FOXN3: variants seen among roughly 807,000 people sequenced by gnomAD.
The protein encoded by FOXN3 is forkhead box N3.
FOXN3 carries 7 observed loss-of-function variants against 38.4 expected under a neutral mutation model. That is an observed-to-expected ratio of 0.18 (90% CI 0.10 to 0.34). The LOEUF is 0.34. FOXN3 is among the 10% of genes least tolerant of loss of function. The probability of loss-of-function intolerance (pLI) is 1.00; values close to 1 mark genes in which losing one functional copy is unlikely to be tolerated. For missense variants in FOXN3, 456 were observed against 613.4 expected (o/e 0.74, Z 2.71); for synonymous variants, 230 against 242.2 (o/e 0.95, Z 0.47).
At chr14:89,251,907 T>A (rs1885467717) in intron 4 of FOXN3, among the ~76,000 whole-genome samples, 2 of 152,226 alleles carry the variant, frequency 1.3e-5, no homozygotes, top group Non-Finnish European at 2.9e-5. Flanking sequence ...ATGCTCAACC[T>A]TATATAACAA....
intron 3 of FOXN3, among the ~76,000 whole-genome samples, chr14:89,332,865 C>CA (rs1315630271): frequency 2.0e-5 from 3 of 151,968 alleles, no homozygotes; most frequent in African/African-American, 7.2e-5. Context: ...CAAAACAAAA[C>CA]AAAACAAAAA....
intron 1 of FOXN3, among the ~76,000 whole-genome samples, chr14:89,578,491 G>A (rs1368743765): frequency 6.6e-6 from 1 of 152,098 alleles, no homozygotes; most frequent in African/African-American, 2.4e-5. Context: ...GGTACAGCCA[G>A]CAGCACTCCC....
At chr14:89,359,885 C>T (rs1014220250) in intron 2 of FOXN3, among the ~76,000 whole-genome samples, 1 of 152,164 alleles carries the variant, frequency 6.6e-6, no homozygotes, top group Non-Finnish European at 1.5e-5. Flanking sequence ...GCCTCTGAGG[C>T]CACTGTTCTC....
At chr14:89,331,468 T>C (rs1442376004) in intron 3 of FOXN3, among the ~76,000 whole-genome samples, 1 of 134,916 alleles carries the variant, frequency 7.4e-6, no homozygotes, top group Non-Finnish European at 1.7e-5. Context: ...GACGTTTGCG[T>C]TGTTTCCCTG....
intron 3 of FOXN3, among the ~76,000 whole-genome samples, chr14:89,288,983 A>C (rs1184211030): frequency 2.0e-5 from 3 of 151,350 alleles, no homozygotes; most frequent in African/African-American, 4.8e-5. Context: ...GGAGTTCGAG[A>C]CCAGCCTGAC....
intron 1 of FOXN3, chr14:89,493,903 A>C (rs1893630098): frequency 6.6e-6 from 1 of 151,704 alleles, no homozygotes; most frequent in Non-Finnish European, 1.5e-5. Flanking sequence ...CTTCTTTGAT[A>C]TGTCATCTGC....
chr14:89,265,598 C>A (rs118148768), intron 4 of FOXN3, among the ~76,000 whole-genome samples: 1 of 152,116 alleles, frequency 6.6e-6, no homozygotes, highest in African/African-American at 2.4e-5. Flanking sequence ...CACCTGCAAG[C>A]CAGGGTTAAT....
intron 3 of FOXN3, among the ~76,000 whole-genome samples, chr14:89,335,075 T>TCACACACAC (rs1888403562): frequency 7.3e-6 from 1 of 136,168 alleles, no homozygotes; most frequent in Non-Finnish European, 1.6e-5. Flanking sequence ...ACTATTTTCA[T>TCACACACAC]ATCACACACA....
chr14:89,336,017 G>A (rs1026427382), intron 3 of FOXN3, among the ~76,000 whole-genome samples: 5 of 151,950 alleles, frequency 3.3e-5, no homozygotes, highest in African/African-American at 9.7e-5. Flanking sequence ...TTTATAATAT[G>A]GTGAGGTTTG....
chr14:89,390,293 T>TTCTCTC (rs71130070), intron 2 of FOXN3, among the ~76,000 whole-genome samples: 1 of 139,944 alleles, frequency 7.1e-6, no homozygotes, highest in African/African-American at 2.5e-5. Context: ...CTCGTTCTCT[T>TTCTCTC]TCTCTCTCTC....
chr14:89,193,082 C>G (rs1888003578), intron 4 of FOXN3, among the ~76,000 whole-genome samples: 1 of 152,076 alleles, frequency 6.6e-6, no homozygotes, highest in East Asian at 1.9e-4. Context: ...AGGGGGTAGC[C>G]AAGAAAAACG....
chr14:89,375,201 C>T (rs1890441611), intron 2 of FOXN3, among the ~76,000 whole-genome samples: 4 of 152,068 alleles, frequency 2.6e-5, no homozygotes, highest in Admixed American at 2.6e-4. Flanking sequence ...GAGGTATGTA[C>T]ATATTAGTCA....
intron 1 of FOXN3, among the ~76,000 whole-genome samples, chr14:89,582,309 C>T (rs565438666): frequency 6.6e-6 from 1 of 152,238 alleles, no homozygotes; most frequent in East Asian, 1.9e-4. Flanking sequence ...CACTTACTTC[C>T]CAGTCCCTTC....
intron 5 of FOXN3, among the ~76,000 whole-genome samples, chr14:89,170,786 C>A (rs954505311): frequency 3.3e-5 from 5 of 151,800 alleles, no homozygotes; most frequent in African/African-American, 1.2e-4. Context: ...ACCCATGGGT[C>A]AAAGAAAAAA....
In FOXN3 at chr14:89,194,605, G is replaced by A. The variant is rs1177890488; in HGVS notation, c.746-13799C>T. ...CTGTCTTCAGAGCCAACAGCCTCCTGTCTCTCCTCTCCAAAGATAAGAGAT... is the reference window on the plus strand; with the variant it reads ...CTGTCTTCAGAGCCAACAGCCTCCTATCTCTCCTCTCCAAAGATAAGAGAT... On this transcript the variant is annotated intron_variant, in intron 4 of 5. Coordinates refer to ENST00000557258, the MANE Select transcript of FOXN3 (RefSeq NM_005197.4). 1.1e-4 allele frequency among the ~76,000 whole-genome samples: 17 copies of A among 151,846 alleles called. No individual in the cohort carries two copies. The East Asian group carries it at 2.3e-3, about 21-fold the overall frequency.
intron 2 of FOXN3, 105 bp from the exon 3 acceptor site, chr14:89,350,913 C>A: frequency 3.5e-6 from 3 of 849,080 alleles, no homozygotes; most frequent in Non-Finnish European, 3.3e-6. Flanking sequence ...AAAAGCTTCT[C>A]ATTTGTTGAC....
intron 1 of FOXN3, among the ~76,000 whole-genome samples, chr14:89,557,548 G>A (rs976675743): frequency 6.6e-6 from 1 of 152,158 alleles, no homozygotes; most frequent in Non-Finnish European, 1.5e-5. Flanking sequence ...CTGGACTACG[G>A]CTTGACCTCG....
intron 1 of FOXN3, among the ~76,000 whole-genome samples, chr14:89,549,902 A>G (rs1894965944): frequency 6.6e-6 from 1 of 152,172 alleles, no homozygotes; most frequent in African/African-American, 2.4e-5. Flanking sequence ...GGAGTTTCAG[A>G]CTGTGAGGTT....
chr14:89,441,448 A>C (rs1892380958), intron 1 of FOXN3, among the ~76,000 whole-genome samples: 1 of 152,234 alleles, frequency 6.6e-6, no homozygotes, highest in Admixed American at 6.5e-5. Context: ...GGCAGTAATA[A>C]GCCGGGGCAA....
Sources: allele counts gnomAD v4.1 joint callset (sites outside exome capture counted in the v4.1 genomes callset), GRCh38; gene constraint gnomAD v4.1.1; transcripts MANE v1.5; gene names NCBI Gene and HGNC (gene_info 2026-07-23, HGNC 2026-07-21).